EXOSC3: variants seen among roughly 807,000 people sequenced by gnomAD.
EXOSC3 encodes exosome complex component RRP40.
Under a neutral mutation model 25.1 loss-of-function variants are expected in EXOSC3, and 18 were observed. The ratio of observed to expected loss-of-function variants is 0.72; its 90% CI spans 0.50 to 1.06. The LOEUF (loss-of-function observed/expected upper bound fraction) is 1.06, where lower values mean the gene tolerates loss of function less well. EXOSC3 is among the 50% of genes least tolerant of loss of function. The probability of loss-of-function intolerance (pLI) is 0.00; values close to 1 mark genes in which losing one functional copy is unlikely to be tolerated. For missense variants in EXOSC3, 382 were observed against 350.9 expected (o/e 1.09, Z -0.71); for synonymous variants, 165 against 132.2 (o/e 1.25, Z -1.70).
chr9:37,784,914 C>T lies in EXOSC3; in HGVS notation c.131G>A (p.Gly44Asp), dbSNP rs1468382405. The change falls in exon 1 of 4, where the codon GGC becomes GAC. Residue 44 changes from glycine (G) to aspartate (D), a missense_variant. Transcript: ENST00000327304. ...CGGTCGCTCCACTGCACCCCCAGGG[C>T]CTTCCGCGTCCTCCTGTTCCGGCAG... is the stretch of plus-strand genomic sequence containing the variant. ...LLLPEQEDAE[G>D]PGGAVERPLS... 7 of 1,608,596 alleles carry T rather than the reference C, an allele frequency of 4.4e-6. No homozygotes were observed. The South Asian group carries it at 6.7e-5, about 15-fold the overall frequency.
At position 37,780,184 on chromosome 9, in the gene EXOSC3, T is replaced by G. The variant is rs1430226004; in HGVS notation, c.*495A>C. 6.5e-6 allele frequency: 1 copy of G among 154,232 alleles called. No homozygotes were observed. The highest frequency in any genetic ancestry group is 1.4e-5 in the Non-Finnish European group (1 of 69,490). 9.6% of individuals were successfully genotyped at this position (154,232 alleles called of 1,614,324 possible). A position where few individuals can be genotyped will look rare whatever the true frequency, so the allele number is the denominator to read the frequency against. On this transcript the variant is annotated 3_prime_UTR_variant, in exon 4 of 4. Coordinates refer to ENST00000327304, the MANE Select transcript of EXOSC3 (RefSeq NM_016042.4). ...TGTGCCTCAGTTTCAATTATGAGGA[T>G]AAGTGTCTTCTGCAGTTAGAATAAA...
Position 37,783,728 on chromosome 9 carries a change from T to A in EXOSC3, c.474+186A>T, listed in dbSNP as rs2274322. ...TAAAATAAATTGTAAATGTAAAAAA[T>A]AATAATAATAATTATGTGGCTCTGA... On this transcript the variant is annotated intron_variant, in intron 2 of 3. Coordinates refer to ENST00000327304, the MANE Select transcript of EXOSC3 (RefSeq NM_016042.4). 223,867 of 424,072 alleles carry A rather than the reference T, an allele frequency of 0.53. 60,453 individuals carry two copies. Among genetic ancestry groups the A allele is most frequent in the Non-Finnish European group, 0.57 (141,880 of 247,990 alleles). 26.3% of individuals were successfully genotyped at this position (424,072 alleles called of 1,614,324 possible). A position where few individuals can be genotyped will look rare whatever the true frequency, so the allele number is the denominator to read the frequency against.
chr9:37,782,289 G>A (rs993131940), intron 2 of EXOSC3, 152 bp from the exon 3 acceptor site: 1 of 732,656 alleles, frequency 1.4e-6, no homozygotes. Flanking sequence ...CTTTGGAGTT[G>A]AGTCTTGGGG....
rs944335096 is a variant in EXOSC3, at chr9:37,780,793, C to A, written c.714G>T (p.Trp238Cys). Residue 238 changes from tryptophan (W) to cysteine (C), a missense_variant, in exon 4 of 4, where the codon TGG becomes TGT. Coordinates refer to ENST00000327304, the MANE Select transcript of EXOSC3 (RefSeq NM_016042.4). Reference protein sequence around the residue: ...EIVFGMNGRIWVKAKTIQQTL... With the variant: ...EIVFGMNGRICVKAKTIQQTL... Reference sequence around the variant, plus strand: ...TCTGCTGGATGGTTTTTGCCTTAACCCATATTCTTCCATTCATTCCAAATA... The same window carrying A: ...TCTGCTGGATGGTTTTTGCCTTAACACATATTCTTCCATTCATTCCAAATA... 1 of 1,613,760 alleles carries A rather than the reference C, an allele frequency of 6.2e-7. No homozygotes were observed. The highest frequency in any genetic ancestry group is 1.3e-5 in the African/African-American group (1 of 74,912).
chr9:37,781,852 T>A, intron 3 of EXOSC3, 134 bp downstream of exon 3: 1 of 961,206 alleles, frequency 1.0e-6, no homozygotes, highest in Non-Finnish European at 1.5e-6. Flanking sequence ...TCCAAATGTG[T>A]TAAAATGGAT....
Position 37,784,967 on chromosome 9 carries a change from C to A in EXOSC3, c.78G>T (p.Gln26His). Residue 26 changes from glutamine to histidine, a missense_variant, in exon 1 of 4, where the codon CAG (glutamine) becomes CAT (histidine). Transcript: ENST00000327304. ...GCAGCTCCTCACCCGGGAGCACCAC[C>A]TGACCTAGTACTGTGCGTGCAGCGC... ...RARAARTVLG[Q>H]VVLPGEELLL... The A allele has an allele frequency of 6.2e-7, 1 of 1,613,162 alleles. No homozygotes were observed. The highest frequency in any genetic ancestry group is 8.5e-7 in the Non-Finnish European group (1 of 1,179,896).
chr9:37,783,843 G>A, intron 2 of EXOSC3, 71 bp downstream of exon 2: 1 of 1,506,620 alleles, frequency 6.6e-7, no homozygotes, highest in Non-Finnish European at 8.9e-7. Flanking sequence ...AATTCAGATA[G>A]CCTTCTGGAT....
Position 37,784,805 on chromosome 9 carries a change from G to C in EXOSC3, c.240C>G (p.Val80=). Residue 80 remains valine, a synonymous_variant, in exon 1 of 4, where the codon GTC becomes GTG. Coordinates refer to ENST00000327304, the MANE Select transcript of EXOSC3 (RefSeq NM_016042.4). Reference sequence around the variant, plus strand: ...TGTGACGGAGGCGGCCGCACTTGGTGACCAGCAGGCGGTCCCCACAGCGCC... The same window carrying C: ...TGTGACGGAGGCGGCCGCACTTGGTCACCAGCAGGCGGTCCCCACAGCGCC... ...GLRRCGDRLL[V]TKCGRLRHKE... 6.2e-7 allele frequency: 1 copy of C among 1,608,242 alleles called. No individual in the cohort carries two copies. The highest frequency in any genetic ancestry group is 1.1e-5 in the South Asian group (1 of 90,586).
At chr9:37,782,209 A>G in intron 2 of EXOSC3, 72 bp from the exon 3 acceptor site, 2 of 1,533,312 alleles carry the variant, frequency 1.3e-6, no homozygotes, top group Non-Finnish European at 1.8e-6. Context: ...TCTTTCTCAC[A>G]GGCATCAATG....
At chr9:37,782,275 G>T in intron 2 of EXOSC3, 138 bp from the exon 3 acceptor site, 1 of 831,890 alleles carries the variant, frequency 1.2e-6, no homozygotes. Context: ...GATTCCCACA[G>T]TCACTTTGGA....
chr9:37,784,634 C>T, intron 1 of EXOSC3, 87 bp downstream of exon 1: 1 of 1,399,850 alleles, frequency 7.1e-7, no homozygotes, highest in East Asian at 2.5e-5. Context: ...AAGAGGGCCT[C>T]AGGGTCCCTC....
chr9:37,780,537 A>T lies in EXOSC3; in HGVS notation c.*142T>A, dbSNP rs1215622551. 4.5e-6 allele frequency: 3 copies of T among 671,440 alleles called. No homozygotes were observed. Among genetic ancestry groups the T allele is most frequent in the Non-Finnish European group, 7.5e-6 (3 of 400,004 alleles). The allele number at this position is 671,440 out of a possible 1,614,324, so 41.6% of individuals were successfully genotyped here. On this transcript the variant is annotated 3_prime_UTR_variant, in exon 4 of 4. Transcript: ENST00000327304. ...CTCTCCCACAAAAGCGTGGGTGAAAACCAGTAACTTATAAAAATACTTTCG... is the reference window on the plus strand; with the variant it reads ...CTCTCCCACAAAAGCGTGGGTGAAATCCAGTAACTTATAAAAATACTTTCG...
intron 2 of EXOSC3, among the ~76,000 whole-genome samples, chr9:37,783,343 G>C (rs564287785): frequency 6.6e-6 from 1 of 152,294 alleles, no homozygotes; most frequent in Admixed American, 6.5e-5. Context: ...AAAGATCAGA[G>C]ACAGAATCAA....
At chr9:37,782,872 A>G (rs1174377336) in intron 2 of EXOSC3, among the ~76,000 whole-genome samples, 1 of 152,244 alleles carries the variant, frequency 6.6e-6, no homozygotes, top group African/African-American at 2.4e-5. Flanking sequence ...ACATATAAAC[A>G]AACCTCAGTC....
Position 37,783,567 on chromosome 9 carries a change from C to T in EXOSC3, c.474+347G>A, listed in dbSNP as rs377676582. ...ATGGATAGCTGATAATGTCAATTTGCACCACCTGTCCCTCCTCTAAGCCTA... is the reference window on the plus strand; with the variant it reads ...ATGGATAGCTGATAATGTCAATTTGTACCACCTGTCCCTCCTCTAAGCCTA... On this transcript the variant is annotated intron_variant, in intron 2 of 3. Transcript: ENST00000327304. Among the ~76,000 whole-genome samples, 74 of 152,270 alleles carry T rather than the reference C, an allele frequency of 4.9e-4. No homozygotes were observed. The South Asian group carries it at 0.015, about 32-fold the overall frequency.
In EXOSC3 at chr9:37,785,033, A is replaced by G. The variant is rs765016508; in HGVS notation, c.12T>C (p.Pro4=). Reference sequence around the variant, plus strand: ...CGAGAGATTCAGCCGCGACAGACGCAGGTTCGGCCATCGCGGGCTCCACCA... The same window carrying G: ...CGAGAGATTCAGCCGCGACAGACGCGGGTTCGGCCATCGCGGGCTCCACCA... MAE[P]ASVAAESLAG... Residue 4 remains proline, a synonymous_variant, in exon 1 of 4, where the codon CCT becomes CCC. Coordinates refer to ENST00000327304, the MANE Select transcript of EXOSC3 (RefSeq NM_016042.4). 6.3e-7 allele frequency: 1 copy of G among 1,597,804 alleles called. No individual in the cohort carries two copies. Among genetic ancestry groups the G allele is most frequent in the Non-Finnish European group, 8.5e-7 (1 of 1,170,366 alleles).
rs182102358 is a variant in EXOSC3 at position 37,784,610 on chromosome 9, G to C, written c.324+111C>G. ...GGGCACAAGACTACGGTGGCTCTAG[G>C]TTTGCCTGAACAAAAGAGGGCCTCA... On this transcript the variant is annotated intron_variant, in intron 1 of 3. Coordinates refer to ENST00000327304, the MANE Select transcript of EXOSC3 (RefSeq NM_016042.4). 8.3e-4 allele frequency: 1,023 copies of C among 1,236,168 alleles called. 18 individuals are homozygous for C. In the East Asian group the frequency reaches 0.022, roughly 26 times the overall value. 76.6% of individuals were successfully genotyped at this position (1,236,168 alleles called of 1,614,324 possible). A position where few individuals can be genotyped will look rare whatever the true frequency, so the allele number is the denominator to read the frequency against.
rs1029668817 is a variant in EXOSC3 at position 37,782,819 on chromosome 9, C to A, written c.475-682G>T. On this transcript the variant is annotated intron_variant, in intron 2 of 3. Transcript: ENST00000327304. Reference sequence around the variant, plus strand: ...AAACTAGAAAGGAACAAAACATTCTCTGCTTTTCAGAAGCATTTGGTCTTG... The same window carrying A: ...AAACTAGAAAGGAACAAAACATTCTATGCTTTTCAGAAGCATTTGGTCTTG... Among the ~76,000 whole-genome samples the A allele has an allele frequency of 3.3e-5, 5 of 152,206 alleles. No individual in the cohort carries two copies. In the East Asian group the frequency reaches 9.6e-4, roughly 29 times the overall value.
At chr9:37,784,392 G>A in intron 1 of EXOSC3, 1 of 481,732 alleles carries the variant, frequency 2.1e-6, no homozygotes, top group Middle Eastern at 5.3e-4. Flanking sequence ...ACCTGTTCTA[G>A]GAGAAATTAA....
Sources: allele counts gnomAD v4.1 joint callset (sites outside exome capture counted in the v4.1 genomes callset), GRCh38; gene constraint gnomAD v4.1.1; transcripts MANE v1.5; gene names NCBI Gene and HGNC (gene_info 2026-07-23, HGNC 2026-07-21).